The following MDM1 variants were observed in gnomAD, a reference collection of about 807,000 sequenced individuals.
MDM1 encodes Mdm1 nuclear protein.
A neutral mutation model predicts 89.1 loss-of-function variants in MDM1; 61 were observed. That is an observed-to-expected ratio of 0.68 (90% CI 0.56 to 0.85). The LOEUF is 0.85. MDM1 is among the 40% of genes least tolerant of loss of function. The probability of loss-of-function intolerance (pLI) is 0.00; values close to 1 mark genes in which losing one functional copy is unlikely to be tolerated. For synonymous variants in MDM1, 290 were observed against 294.1 expected (o/e 0.99, Z 0.14); for missense variants, 820 against 846.5 (o/e 0.97, Z 0.39).
intron 12 of MDM1, among the ~76,000 whole-genome samples, chr12:68,305,630 T>C (rs546363525): frequency 6.6e-6 from 1 of 151,896 alleles, no homozygotes; most frequent in Non-Finnish European, 1.5e-5. Flanking sequence ...AACAACCAAA[T>C]CAAGGATACA....
chr12:68,300,332 C>G (rs780618311), intron 13 of MDM1, among the ~76,000 whole-genome samples: 1 of 152,066 alleles, frequency 6.6e-6, no homozygotes, highest in Non-Finnish European at 1.5e-5. Context: ...CAGTACCTCA[C>G]GTCTCAATAT....
At chr12:68,331,978 C>G in intron 1 of MDM1, 1 of 697,666 alleles carries the variant, frequency 1.4e-6, no homozygotes, top group Admixed American at 2.0e-5. Context: ...TCTTGAGTCC[C>G]CCTAAGTAAA....
In MDM1 at chr12:68,313,700, A is replaced by G; in HGVS notation, c.1583T>C (p.Leu528Pro). 1 of 1,614,218 alleles carries G rather than the reference A, an allele frequency of 6.2e-7. No individual in the cohort carries two copies. The highest frequency in any genetic ancestry group is 8.5e-7 in the Non-Finnish European group (1 of 1,180,022). Residue 528 changes from leucine to proline, a missense_variant, in exon 11 of 15, where the codon CTG (leucine) becomes CCG (proline). Physicochemically the swap from Leu to Pro is moderately conservative, Grantham distance 98 (BLOSUM62 -3). Transcript: ENST00000682720. ...CCTCTGGATTCCACCAAGTTCTCTC[A>G]GCTTGGGAGTAGGAAGCCGGCCTCC... is the stretch of plus-strand genomic sequence containing the variant. ...EKGGRLPTPK[L>P]RELGGIQRTH...
Position 68,302,667 on chromosome 12 carries a change from G to C in MDM1, c.1955C>G (p.Ser652Cys). Residue 652 changes from serine (S) to cysteine (C), a missense_variant, in exon 13 of 15, where the codon TCT (serine) becomes TGT (cysteine). Physicochemically the swap from Ser to Cys is moderately radical, Grantham distance 112. Transcript: ENST00000682720. ...TCTAAGAGAGCCCTGAATTCGTCGA[G>C]AGGGATGCCAGTAGGATGGAACATG... is the stretch of plus-strand genomic sequence containing the variant. Reference protein sequence around the residue: ...PPHVPSYWHPSRRIQGSLRDP... With the variant: ...PPHVPSYWHPCRRIQGSLRDP... 1 of 1,613,924 alleles carries C rather than the reference G, an allele frequency of 6.2e-7. No individual in the cohort carries two copies.
At chr12:68,325,330 T>C in intron 4 of MDM1, 111 bp downstream of exon 4, 1 of 1,374,358 alleles carries the variant, frequency 7.3e-7, no homozygotes, top group Non-Finnish European at 9.4e-7. Context: ...TTCTAGAACC[T>C]ACCTCCAGGC....
At position 68,302,302 on chromosome 12, in the gene MDM1, T is replaced by C. The variant is rs562050373; in HGVS notation, c.2002+318A>G. On this transcript the variant is annotated intron_variant, in intron 13 of 14. Transcript: ENST00000682720. ...CTGTGAATTCTACACCCAGGCAACATTTGGCAATGTCTGGAGACATTTTTG... is the reference window on the plus strand; with the variant it reads ...CTGTGAATTCTACACCCAGGCAACACTTGGCAATGTCTGGAGACATTTTTG... Among the ~76,000 whole-genome samples the C allele has an allele frequency of 2.6e-5, 4 of 152,240 alleles. No individual in the cohort carries two copies. In the South Asian group the frequency reaches 6.2e-4, roughly 24 times the overall value.
At position 68,326,995 on chromosome 12, in the gene MDM1, A is replaced by C; in HGVS notation, c.160T>G (p.Ser54Ala). Residue 54 changes from serine (S) to alanine (A), a missense_variant, in exon 3 of 15, where the codon TCA becomes GCA. Transcript: ENST00000682720. ...TCATGGTAAGGGACTCTTCTTTTTGAAATAAAACTTGGCTCTTTCGTGATG... is the reference window on the plus strand; with the variant it reads ...TCATGGTAAGGGACTCTTCTTTTTGCAATAAAACTTGGCTCTTTCGTGATG... Reference protein sequence around the residue: ...LGITKEPSFISKRRVPYHDPQ... With the variant: ...LGITKEPSFIAKRRVPYHDPQ... 6.3e-7 allele frequency: 1 copy of C among 1,599,882 alleles called. No homozygotes were observed. The highest frequency in any genetic ancestry group is 8.5e-7 in the Non-Finnish European group (1 of 1,175,520).
chr12:68,310,456 G>A (rs1435489233), intron 12 of MDM1, among the ~76,000 whole-genome samples: 2 of 152,140 alleles, frequency 1.3e-5, no homozygotes, highest in Non-Finnish European at 2.9e-5. Context: ...TGAGTCACTC[G>A]TTTTGGCTGA....
chr12:68,303,180 C>A (rs1029009506), intron 12 of MDM1, among the ~76,000 whole-genome samples: 1 of 151,862 alleles, frequency 6.6e-6, no homozygotes. Flanking sequence ...AAATATAAAC[C>A]TAATTAAAAA....
Position 68,326,926 on chromosome 12 carries a change from C to G in MDM1, c.229G>C (p.Glu77Gln), listed in dbSNP as rs1208809735. The G allele has an allele frequency of 5.6e-6, 9 of 1,614,062 alleles. No homozygotes were observed. Among genetic ancestry groups the G allele is most frequent in the Non-Finnish European group, 7.6e-6 (9 of 1,179,998 alleles). ...KSLEWNGAISESNVVASPEPE... is the reference protein window; with the variant it reads ...KSLEWNGAISQSNVVASPEPE... ...TCTGGTGATGCAACCACATTGCTCT[C>G]TGAGATAGCTCCATTCCACTCCAGA... Residue 77 changes from glutamate to glutamine, a missense_variant, in exon 3 of 15, where the codon GAG (glutamate) becomes CAG (glutamine). Glu to Gln is a conservative substitution (Grantham distance 29, BLOSUM62 2). Coordinates refer to ENST00000682720, the MANE Select transcript of MDM1 (RefSeq NM_001354969.2).
chr12:68,296,446 C>T (rs373268471), intron 14 of MDM1, among the ~76,000 whole-genome samples: 2 of 152,112 alleles, frequency 1.3e-5, no homozygotes, highest in East Asian at 1.9e-4. Context: ...TGCAGTGAGC[C>T]GAGATCATGC....
At position 68,326,007 on chromosome 12, in the gene MDM1, C is replaced by A. The variant is rs906317824; in HGVS notation, c.499-432G>T. Reference sequence around the variant, plus strand: ...CAGCTTTTTCAACAAGCTACAGATTCTTCTCCAACACTCTGAAATGCCTCT... The same window carrying A: ...CAGCTTTTTCAACAAGCTACAGATTATTCTCCAACACTCTGAAATGCCTCT... On this transcript the variant is annotated intron_variant, in intron 3 of 14. Coordinates refer to ENST00000682720, the MANE Select transcript of MDM1 (RefSeq NM_001354969.2). The A allele has an allele frequency of 1.2e-5, 12 of 994,168 alleles. No individual in the cohort carries two copies. The African/African-American group carries it at 1.9e-4, about 16-fold the overall frequency. 61.6% of individuals were successfully genotyped at this position (994,168 alleles called of 1,614,324 possible).
At chr12:68,317,566 T>C (rs986870832) in intron 7 of MDM1, among the ~76,000 whole-genome samples, 1 of 152,134 alleles carries the variant, frequency 6.6e-6, no homozygotes, top group Non-Finnish European at 1.5e-5. Flanking sequence ...AGAAACCATA[T>C]AATCCCAACA....
chr12:68,329,903 C>T (rs1876543143), intron 2 of MDM1, among the ~76,000 whole-genome samples: 3 of 152,184 alleles, frequency 2.0e-5, no homozygotes, highest in South Asian at 4.1e-4. Flanking sequence ...ACATGCTTTG[C>T]ACAAAACAGA....
intron 5 of MDM1, 33 bp from the exon 6 acceptor site, chr12:68,321,661 T>A: frequency 7.1e-7 from 1 of 1,411,208 alleles, no homozygotes; most frequent in Non-Finnish European, 9.9e-7. Context: ...TTTTTATGCT[T>A]AAGATGTTAC....
At chr12:68,315,697 T>C (rs1874392947) in intron 9 of MDM1, among the ~76,000 whole-genome samples, 1 of 152,230 alleles carries the variant, frequency 6.6e-6, no homozygotes, top group Non-Finnish European at 1.5e-5. Context: ...AGTTCTGAAT[T>C]AGCCACAAAA....
At chr12:68,322,541 G>A (rs1018597270) in intron 5 of MDM1, among the ~76,000 whole-genome samples, 3 of 152,212 alleles carry the variant, frequency 2.0e-5, no homozygotes, top group South Asian at 2.1e-4. Context: ...GGCTGAGGCA[G>A]GAGAATTGCT....
intron 12 of MDM1, among the ~76,000 whole-genome samples, chr12:68,307,993 T>A (rs1367326305): frequency 1.3e-5 from 2 of 150,072 alleles, no homozygotes; most frequent in Non-Finnish European, 3.0e-5. Flanking sequence ...AAGAATAACA[T>A]CTAAGATCCT....
rs1004958598 is a variant in MDM1, at chr12:68,294,625, G to T, written c.*629C>A. On this transcript the variant is annotated 3_prime_UTR_variant, in exon 15 of 15. Transcript: ENST00000682720. ...AAAGTTTTAATTCTCCATTATACAG[G>T]TAATTTTTCAAAATCTAGACATTAT... The T allele has an allele frequency of 2.6e-5, 4 of 152,118 alleles. No individual in the cohort carries two copies. Among genetic ancestry groups the T allele is most frequent in the African/African-American group, 9.7e-5 (4 of 41,432 alleles). The allele number at this position is 152,118 out of a possible 1,614,324, so 9.4% of individuals were successfully genotyped here.
Sources: allele counts gnomAD v4.1 joint callset (sites outside exome capture counted in the v4.1 genomes callset), GRCh38; gene constraint gnomAD v4.1.1; transcripts MANE v1.5; gene names NCBI Gene and HGNC (gene_info 2026-07-23, HGNC 2026-07-21).